The following SUCLG2 variants were observed in gnomAD, a reference collection of about 807,000 sequenced individuals.
The protein encoded by SUCLG2 is succinate--CoA ligase [GDP-forming] subunit beta, mitochondrial.
Under a neutral mutation model 47.9 loss-of-function variants are expected in SUCLG2, and 42 were observed. The observed-to-expected ratio is 0.88, with a 90% confidence interval of 0.69 to 1.14. SUCLG2 has a LOEUF of 1.14. Ranked by LOEUF, SUCLG2 falls within the 50% of genes most tolerant of loss-of-function variation. The pLI, the probability that SUCLG2 is intolerant of heterozygous loss-of-function variation, is 0.00. For missense variants in SUCLG2, 571 were observed against 525.9 expected (o/e 1.09, Z -0.84); for synonymous variants, 195 against 197.3 (o/e 0.99, Z 0.10).
At chr3:67,524,402 A>G (rs922150759) in intron 4 of SUCLG2, among the ~76,000 whole-genome samples, 1 of 152,260 alleles carries the variant, frequency 6.6e-6, no homozygotes, top group Admixed American at 6.5e-5. Context: ...TAACACACCC[A>G]TGAACAGAGA....
At chr3:67,418,963 C>T (rs769264011) in intron 9 of SUCLG2, among the ~76,000 whole-genome samples, 24 of 151,972 alleles carry the variant, frequency 1.6e-4, no homozygotes, top group Non-Finnish European at 2.8e-4. Context: ...TAGCTGTGTG[C>T]TCTCTATGCC....
In SUCLG2 at chr3:67,368,609, T is replaced by A. The variant is rs564756285; in HGVS notation, c.1184-7841A>T. Among the ~76,000 whole-genome samples the A allele has an allele frequency of 1.6e-4, 24 of 152,196 alleles. No homozygotes were observed. The South Asian group carries it at 5.0e-3, about 32-fold the overall frequency. ...GGCATCTTCATTTTATTTATTTATT[T>A]ATTATTATTTTTTGAGATAGAGTTT... On this transcript the variant is annotated intron_variant, in intron 10 of 10. Transcript: ENST00000493112.
chr3:67,485,954 T>C, intron 9 of SUCLG2, among the ~76,000 whole-genome samples: 1 of 152,222 alleles, frequency 6.6e-6, no homozygotes, highest in East Asian at 1.9e-4. Flanking sequence ...ACATTTAGAC[T>C]GGGGGTTTCT....
intron 10 of SUCLG2, among the ~76,000 whole-genome samples, chr3:67,381,971 T>C (rs2106770599): frequency 6.6e-6 from 1 of 152,328 alleles, no homozygotes; most frequent in African/African-American, 2.4e-5. Flanking sequence ...GGGCACATGG[T>C]ACAGGATTTT....
At chr3:67,502,165 T>C (rs907802557) in intron 7 of SUCLG2, among the ~76,000 whole-genome samples, 3 of 152,198 alleles carry the variant, frequency 2.0e-5, no homozygotes, top group Admixed American at 2.0e-4. Context: ...AAGAATTGAA[T>C]TGAATCATAG....
chr3:67,561,476 A>G (rs1424066995), intron 2 of SUCLG2, among the ~76,000 whole-genome samples: 1 of 152,226 alleles, frequency 6.6e-6, no homozygotes, highest in Non-Finnish European at 1.5e-5. Flanking sequence ...GTGTGGCAAA[A>G]TAATAACAAA....
rs557681850 is a variant in SUCLG2 at position 67,594,129 on chromosome 3, C to T, written c.226+15326G>A. ...TTGCAGCCAAGCCCAGAGAGGGCCA[C>T]CTCAACCCACTAATATGCAGACACT... On this transcript the variant is annotated intron_variant, in intron 2 of 10. Transcript: ENST00000307227. 2.6e-5 allele frequency among the ~76,000 whole-genome samples: 4 copies of T among 152,294 alleles called. No individual in the cohort carries two copies. In the South Asian group the frequency reaches 6.2e-4, roughly 24 times the overall value.
At chr3:67,592,997 T>G (rs1406008735) in intron 2 of SUCLG2, among the ~76,000 whole-genome samples, 2 of 152,186 alleles carry the variant, frequency 1.3e-5, no homozygotes. Flanking sequence ...AGGTAGCCAA[T>G]GAAGGCTATT....
chr3:67,519,602 A>G (rs923173207), intron 5 of SUCLG2, among the ~76,000 whole-genome samples: 2 of 152,152 alleles, frequency 1.3e-5, no homozygotes, highest in African/African-American at 4.8e-5. Context: ...TTTATTGTAC[A>G]TTATTTAGAC....
intron 10 of SUCLG2, among the ~76,000 whole-genome samples, chr3:67,380,687 TAGAG>T (rs141848772): frequency 0.11 from 9,027 of 84,994 alleles, 868 homozygotes; most frequent in African/African-American, 0.26. Context: ...GAAAGGGGGG[TAGAG>T]AGAGAGAGAG....
intron 9 of SUCLG2, among the ~76,000 whole-genome samples, chr3:67,437,868 C>T (rs1211374293): frequency 6.6e-6 from 1 of 152,062 alleles, no homozygotes; most frequent in African/African-American, 2.4e-5. Flanking sequence ...AAAACTGAGG[C>T]TAATGTAGTG....
chr3:67,539,939 T>G (rs1360828621), intron 2 of SUCLG2, among the ~76,000 whole-genome samples: 1 of 152,074 alleles, frequency 6.6e-6, no homozygotes, highest in Non-Finnish European at 1.5e-5. Context: ...GTCTATTTGA[T>G]TCTTCTCTCT....
At chr3:67,604,299 T>A (rs11924268) in intron 2 of SUCLG2, among the ~76,000 whole-genome samples, 9,216 of 152,262 alleles carry the variant, frequency 0.061, 404 homozygotes, top group African/African-American at 0.12. Flanking sequence ...TTCTATATAT[T>A]GCACCTTAAA....
At chr3:67,637,705 G>C (rs1020624211) in intron 1 of SUCLG2, among the ~76,000 whole-genome samples, 1 of 152,170 alleles carries the variant, frequency 6.6e-6, no homozygotes, top group African/African-American at 2.4e-5. Context: ...TGACGTTTCC[G>C]TAAGTTATCT....
At chr3:67,587,656 A>G (rs1708058838) in intron 2 of SUCLG2, among the ~76,000 whole-genome samples, 1 of 152,234 alleles carries the variant, frequency 6.6e-6, no homozygotes, top group East Asian at 1.9e-4. Context: ...GACCACAAAA[A>G]TAACATGAGA....
intron 10 of SUCLG2, chr3:67,376,177 T>G (rs1011234205): frequency 7.3e-6 from 7 of 963,120 alleles, no homozygotes; most frequent in Non-Finnish European, 8.5e-6. Flanking sequence ...AGAAGTCACT[T>G]GTCTTAAAGC....
intron 1 of SUCLG2, among the ~76,000 whole-genome samples, chr3:67,646,907 T>C (rs979451328): frequency 6.6e-6 from 1 of 152,168 alleles, no homozygotes; most frequent in Non-Finnish European, 1.5e-5. Context: ...CCCTTGCCAC[T>C]TCACTGTCTA....
intron 10 of SUCLG2, among the ~76,000 whole-genome samples, chr3:67,366,690 C>G (rs1450446918): frequency 6.6e-6 from 1 of 152,178 alleles, no homozygotes; most frequent in East Asian, 1.9e-4. Context: ...AGCCTGAGCA[C>G]TCATAGGATG....
intron 2 of SUCLG2, among the ~76,000 whole-genome samples, chr3:67,562,127 T>C (rs570049164): frequency 1.2e-4 from 19 of 152,274 alleles, no homozygotes; most frequent in African/African-American, 1.9e-4. Context: ...CAATTGACCA[T>C]TCATCCCCCC....
Sources: allele counts gnomAD v4.1 joint callset (sites outside exome capture counted in the v4.1 genomes callset), GRCh38; gene constraint gnomAD v4.1.1; transcripts MANE v1.5; gene names NCBI Gene and HGNC (gene_info 2026-07-23, HGNC 2026-07-21).